Variants in DESI2 observed in about 807,000 individuals in gnomAD.
DESI2 encodes the protein deubiquitinase DESI2.
Under a neutral mutation model 24.1 loss-of-function variants are expected in DESI2, and 10 were observed. The observed-to-expected ratio is 0.41, with a 90% CI of 0.26 to 0.70. The LOEUF (loss-of-function observed/expected upper bound fraction) is 0.70. Ranked by LOEUF, DESI2 falls within the 30% of genes least tolerant of loss-of-function variation. The pLI is 0.29. For missense variants in DESI2, 122 were observed against 234.9 expected (o/e 0.52, Z 3.14); for synonymous variants, 71 against 87.7 (o/e 0.81, Z 1.06).
intron 1 of DESI2, among the ~76,000 whole-genome samples, chr1:244,665,751 A>G (rs1676019421): frequency 6.6e-6 from 1 of 152,246 alleles, no homozygotes; most frequent in African/African-American, 2.4e-5. Context: ...GCTCCAGACA[A>G]GCTGCAACAT....
rs761147366 is a variant in DESI2 at position 244,691,854 on chromosome 1, CTTTTT to C, written c.210-21_210-17del. The C allele has an allele frequency of 6.5e-7, 1 of 1,527,098 alleles. No individual in the cohort carries two copies. The highest frequency in any genetic ancestry group is 2.3e-5 in the East Asian group (1 of 42,578). The allele number at this position is 1,527,098 out of a possible 1,614,324, so 94.6% of individuals were successfully genotyped here. On this transcript the variant is annotated intron_variant, in intron 3 of 4. Coordinates refer to ENST00000302550, the MANE Select transcript of DESI2 (RefSeq NM_016076.5). ...CAACTATGTCCTTATTTTTCTTTCT[CTTTTT>C]TTTCTTTTTGTTCTTTAAGAGAAGC...
chr1:244,654,391 T>TA (rs1247696813), intron 1 of DESI2, among the ~76,000 whole-genome samples: 10 of 152,216 alleles, frequency 6.6e-5, no homozygotes, highest in Admixed American at 6.5e-4. Flanking sequence ...CCAAGAGTCT[T>TA]ATACAGTTCT....
chr1:244,696,756 G>A (rs539187495), intron 4 of DESI2, among the ~76,000 whole-genome samples: 2 of 152,332 alleles, frequency 1.3e-5, no homozygotes, highest in South Asian at 2.1e-4. Flanking sequence ...CTGCGAGCTT[G>A]GACTTCTGTA....
rs148994657 is a variant in DESI2, at chr1:244,707,236, G to C, written c.*1447G>C. On this transcript the variant is annotated 3_prime_UTR_variant, in exon 5 of 5. Coordinates refer to ENST00000302550, the MANE Select transcript of DESI2 (RefSeq NM_016076.5). ...ATTGTTTGCTATTGCTCTGTGTGAG[G>C]ATACATAATCTTTCAGTAAACTGTA... The C allele has an allele frequency of 6.6e-5, 10 of 152,502 alleles. No homozygotes were observed. Among genetic ancestry groups the C allele is most frequent in the Admixed American group, 1.3e-4 (2 of 15,256 alleles). 9.4% of individuals were successfully genotyped at this position (152,502 alleles called of 1,614,324 possible). A position where few individuals can be genotyped will look rare whatever the true frequency, so the allele number is the denominator to read the frequency against.
At chr1:244,678,297 T>C (rs1399208238) in intron 1 of DESI2, among the ~76,000 whole-genome samples, 1 of 152,248 alleles carries the variant, frequency 6.6e-6, no homozygotes, top group East Asian at 1.9e-4. Context: ...TGTCAAAATA[T>C]ACCTTTATTT....
rs371934565 is a variant in DESI2 at position 244,658,729 on chromosome 1, G to GT, written c.42+5381dup. On this transcript the variant is annotated intron_variant, in intron 1 of 4. Coordinates refer to ENST00000302550, the MANE Select transcript of DESI2 (RefSeq NM_016076.5). ...TTTGTGCCAAATGCCTATTTCTGGT[G>GT]TTTTTTTCTTGTACCTTTGCTTAAG... Among the ~76,000 whole-genome samples, 378 of 152,166 alleles carry GT rather than the reference G, an allele frequency of 2.5e-3. 2 individuals carry two copies. Among genetic ancestry groups the GT allele is most frequent in the African/African-American group, 8.7e-3 (362 of 41,504 alleles).
At position 244,703,056 on chromosome 1, in the gene DESI2, C is replaced by G. The variant is rs371118955; in HGVS notation, c.352-2500C>G. ...TTGCTCTGTCACCCAGGCTGGAGTG[C>G]AGTGGCACGATCTCAGCTCACTGCC... On this transcript the variant is annotated intron_variant, in intron 4 of 4. Transcript: ENST00000302550. Among the ~76,000 whole-genome samples the G allele has an allele frequency of 5.6e-5, 8 of 142,030 alleles. No homozygotes were observed. In the East Asian group the frequency reaches 1.7e-3, roughly 31 times the overall value. The allele number at this position is 142,030 out of a possible 152,430, so 93.2% of individuals were successfully genotyped here.
intron 1 of DESI2, among the ~76,000 whole-genome samples, chr1:244,662,057 C>T (rs180756430): frequency 5.9e-4 from 90 of 152,330 alleles, no homozygotes; most frequent in Non-Finnish European, 5.0e-4. Context: ...TCTCCACATC[C>T]TCTCCAGCAC....
intron 4 of DESI2, among the ~76,000 whole-genome samples, chr1:244,697,269 A>T (rs1252306290): frequency 6.6e-6 from 1 of 152,042 alleles, no homozygotes; most frequent in East Asian, 1.9e-4. Flanking sequence ...GCATTTTGGG[A>T]GGTTGAGGCG....
At chr1:244,703,078 T>C (rs1346769232) in intron 4 of DESI2, among the ~76,000 whole-genome samples, 1 of 147,074 alleles carries the variant, frequency 6.8e-6, no homozygotes, top group African/African-American at 2.5e-5. Context: ...CTCAGCTCAC[T>C]GCCACCTCTG....
At chr1:244,701,937 C>T (rs1468581413) in intron 4 of DESI2, among the ~76,000 whole-genome samples, 2 of 152,146 alleles carry the variant, frequency 1.3e-5, no homozygotes, top group African/African-American at 4.8e-5. Flanking sequence ...CCTGTACATA[C>T]ATCTTTTTAT....
At chr1:244,705,313 A>G (rs1050423906) in intron 4 of DESI2, among the ~76,000 whole-genome samples, 1 of 152,198 alleles carries the variant, frequency 6.6e-6, no homozygotes, top group Non-Finnish European at 1.5e-5. Context: ...TTGATTTCAC[A>G]GATATGAAAA....
At chr1:244,665,284 A>G (rs996267406) in intron 1 of DESI2, among the ~76,000 whole-genome samples, 2 of 152,186 alleles carry the variant, frequency 1.3e-5, no homozygotes, top group Admixed American at 1.3e-4. Flanking sequence ...GAGTCACGCC[A>G]TAGTGGTAGA....
chr1:244,657,164 A>T (rs1675675974), intron 1 of DESI2, among the ~76,000 whole-genome samples: 1 of 152,238 alleles, frequency 6.6e-6, no homozygotes. Flanking sequence ...TCAAATAAGG[A>T]CATTTTTGTC....
chr1:244,694,573 C>A, intron 4 of DESI2: 1 of 796,594 alleles, frequency 1.3e-6, no homozygotes, highest in Non-Finnish European at 2.3e-6. Context: ...TTAGCCTTGG[C>A]ACTGCCGTTA....
intron 1 of DESI2, among the ~76,000 whole-genome samples, chr1:244,677,983 T>C (rs1676473526): frequency 6.6e-6 from 1 of 152,184 alleles, no homozygotes; most frequent in South Asian, 2.1e-4. Flanking sequence ...CACTGTTTAA[T>C]ACTGTCCAAA....
Position 244,689,429 on chromosome 1 carries a change from C to T in DESI2, c.209+87C>T, listed in dbSNP as rs1427301104. 4.7e-6 allele frequency: 3 copies of T among 634,326 alleles called. No homozygotes were observed. Among genetic ancestry groups the T allele is most frequent in the Non-Finnish European group, 8.4e-6 (3 of 357,318 alleles). 39.3% of individuals were successfully genotyped at this position (634,326 alleles called of 1,614,324 possible). On this transcript the variant is annotated intron_variant, in intron 3 of 4. Transcript: ENST00000302550. The surrounding 1 kb of genome is among the most constrained non-coding windows in gnomAD (Gnocchi z 4.0). Reference sequence around the variant, plus strand: ...ACAGAATTCATTCTGTAAATCAAAACAAACCCAAGAAGTTAAAAATGTCTC... The same window carrying T: ...ACAGAATTCATTCTGTAAATCAAAATAAACCCAAGAAGTTAAAAATGTCTC...
intron 1 of DESI2, among the ~76,000 whole-genome samples, chr1:244,663,722 A>C (rs1675934469): frequency 2.0e-5 from 3 of 152,010 alleles, no homozygotes. Flanking sequence ...GGGTTAAAAA[A>C]TTATTCAAGA....
chr1:244,703,716 T>G (rs1677573874), intron 4 of DESI2, among the ~76,000 whole-genome samples: 3 of 150,816 alleles, frequency 2.0e-5, no homozygotes, highest in East Asian at 2.0e-4. Flanking sequence ...TGGAGTGCAG[T>G]GGTGCGATCT....
Sources: gnomAD v4.1 joint callset for allele counts (sites outside exome capture counted in the v4.1 genomes callset) on GRCh38, gnomAD v4.1.1 for gene constraint, Gnocchi (gnomAD v3.1) non-coding constraint, MANE v1.5 for transcripts, NCBI Gene and HGNC (gene_info 2026-07-23, HGNC 2026-07-21) for gene names.